Variants in LAMA2 observed in about 807,000 individuals in gnomAD.
LAMA2 encodes laminin subunit alpha 2, also known as laminin subunit alpha-2.
A neutral mutation model predicts 364.8 loss-of-function variants in LAMA2; 269 were observed. The observed-to-expected ratio is 0.74, with a 90% CI of 0.67 to 0.82. LAMA2 has a LOEUF of 0.82. Among genes scored for constraint, LAMA2 ranks in the 40% least tolerant of loss-of-function variants. The probability of loss-of-function intolerance (pLI) is 0.00; values close to 1 mark genes in which losing one functional copy is unlikely to be tolerated. For missense variants in LAMA2, 3,807 were observed against 3,873.2 expected (o/e 0.98, Z 0.45); for synonymous variants, 1,379 against 1,370.6 (o/e 1.01, Z -0.14).
intron 1 of LAMA2, among the ~76,000 whole-genome samples, chr6:129,049,282 T>C (rs187529721): frequency 6.6e-6 from 1 of 152,316 alleles, no homozygotes; most frequent in East Asian, 1.9e-4. Context: ...AAAACTTCTA[T>C]TATATCTAAG....
In LAMA2 at chr6:129,393,216, C is replaced by G. The variant is rs763182744; in HGVS notation, c.5406C>G (p.Arg1802=). ...CAGATAAAATCAGAGAAGCTAATCG[C>G]CTATTTGCAGTAAATCAGAAAAACA... ...EATDKIREAN[R]LFAVNQKNMT... Residue 1802 remains arginine, a synonymous_variant, in exon 37 of 65, where the codon CGC becomes CGG. Transcript: ENST00000421865. 3.1e-6 allele frequency: 5 copies of G among 1,613,870 alleles called. No individual in the cohort carries two copies. The African/African-American group carries it at 6.7e-5, about 22-fold the overall frequency.
At chr6:129,171,647 T>C (rs1209520370) in intron 9 of LAMA2, among the ~76,000 whole-genome samples, 4 of 147,150 alleles carry the variant, frequency 2.7e-5, no homozygotes, top group Non-Finnish European at 4.5e-5. Flanking sequence ...CTGACAATTA[T>C]GTGTCTTGGA....
At chr6:129,286,561 T>G (rs1241589064) in intron 18 of LAMA2, among the ~76,000 whole-genome samples, 2 of 604 alleles carry the variant, frequency 3.3e-3, no homozygotes, top group Admixed American at 0.083. Flanking sequence ...ATAAATAGTT[T>G]TATATTATAT....
chr6:129,221,255 A>G (rs1345341317), intron 12 of LAMA2, among the ~76,000 whole-genome samples: 7 of 151,124 alleles, frequency 4.6e-5, no homozygotes, highest in East Asian at 1.9e-4. Flanking sequence ...TTAAGCCAAG[A>G]TTTCCAAAAA....
At chr6:129,499,601 A>G (rs1785465745) in intron 58 of LAMA2, among the ~76,000 whole-genome samples, 1 of 152,220 alleles carries the variant, frequency 6.6e-6, no homozygotes, top group South Asian at 2.1e-4. Flanking sequence ...CTAGAAGGAA[A>G]AAAGAAGCTT....
At chr6:129,189,228 T>A (rs1173971655) in intron 10 of LAMA2, among the ~76,000 whole-genome samples, 1 of 150,408 alleles carries the variant, frequency 6.6e-6, no homozygotes, top group Non-Finnish European at 1.5e-5. Flanking sequence ...AAGTTAGTTG[T>A]CCAAGGGAAT....
At chr6:129,465,372 C>T (rs918738971) in intron 51 of LAMA2, 83 bp downstream of exon 51, 35 of 1,208,804 alleles carry the variant, frequency 2.9e-5, no homozygotes, top group East Asian at 2.8e-4. Flanking sequence ...AGGAAGGCTC[C>T]GTCTATAATT....
intron 1 of LAMA2, among the ~76,000 whole-genome samples, chr6:128,972,577 A>G (rs571834273): frequency 6.6e-6 from 1 of 152,298 alleles, no homozygotes; most frequent in Admixed American, 6.5e-5. Flanking sequence ...ACTATGGTTG[A>G]ATCTTTTCTG....
At position 129,411,528 on chromosome 6, in the gene LAMA2, C is replaced by A. The variant is rs140587198; in HGVS notation, c.5865+7569C>A. On this transcript the variant is annotated intron_variant, in intron 40 of 64. Transcript: ENST00000421865. ...TTAAATATGTCAACTTCTCTTATAG[C>A]AAATTTCCCAGTGTTCATTCCTAAT... 2.2e-4 allele frequency among the ~76,000 whole-genome samples: 34 copies of A among 152,252 alleles called. No homozygotes were observed. The East Asian group carries it at 4.8e-3, about 22-fold the overall frequency.
rs138435668 is a variant in LAMA2 at position 129,139,453 on chromosome 6, A to G, written c.640-4448A>G. On this transcript the variant is annotated intron_variant, in intron 4 of 64. Coordinates refer to ENST00000421865, the MANE Select transcript of LAMA2 (RefSeq NM_000426.4). ...ACTATTTACATAGCCTTTACATTGT[A>G]TTGGGTATTTAAAGTAATGTAGATG... 3.7e-3 allele frequency among the ~76,000 whole-genome samples: 564 copies of G among 152,226 alleles called. 3 individuals are homozygous for G. The highest frequency in any genetic ancestry group is 6.0e-3 in the Admixed American group (92 of 15,272).
intron 51 of LAMA2, among the ~76,000 whole-genome samples, chr6:129,469,627 G>C (rs12191417): frequency 0.61 from 92,981 of 151,590 alleles, 29,185 homozygotes; most frequent in African/African-American, 0.75. Context: ...ATTTTTTATA[G>C]AAAGACTTGT....
intron 2 of LAMA2, among the ~76,000 whole-genome samples, chr6:129,051,302 ATATAT>A (rs1787990019): frequency 6.7e-6 from 1 of 148,328 alleles, no homozygotes; most frequent in Non-Finnish European, 1.5e-5. Flanking sequence ...TAATGAACAG[ATATAT>A]TATTTTATTT....
chr6:129,395,493 T>C (rs1264587573), intron 37 of LAMA2, among the ~76,000 whole-genome samples: 1 of 152,126 alleles, frequency 6.6e-6, no homozygotes, highest in African/African-American at 2.4e-5. Flanking sequence ...ACCCCATCCC[T>C]AAATGACCAA....
At chr6:128,983,202 T>C (rs540692416) in intron 1 of LAMA2, among the ~76,000 whole-genome samples, 1 of 152,254 alleles carries the variant, frequency 6.6e-6, no homozygotes, top group East Asian at 1.9e-4. Flanking sequence ...ACTTCCACAA[T>C]GGTTGAACTA....
At chr6:129,354,829 TACTTTTTTA>T (rs1261442879) in intron 32 of LAMA2, among the ~76,000 whole-genome samples, 2 of 152,190 alleles carry the variant, frequency 1.3e-5, no homozygotes, top group African/African-American at 2.4e-5. Context: ...TGATGATCAA[TACTTTTTTA>T]ACATTTTGAA....
intron 4 of LAMA2, among the ~76,000 whole-genome samples, chr6:129,125,024 G>A (rs1025126986): frequency 4.6e-5 from 7 of 152,092 alleles, no homozygotes; most frequent in Non-Finnish European, 7.4e-5. Context: ...GAGAAGTGGC[G>A]GAATAGAAGA....
At chr6:129,416,888 G>T (rs1417418680) in intron 40 of LAMA2, among the ~76,000 whole-genome samples, 1 of 152,188 alleles carries the variant, frequency 6.6e-6, no homozygotes, top group Non-Finnish European at 1.5e-5. Context: ...GGCAGCTCCA[G>T]GTCCTGGCTC....
chr6:129,213,625 A>G (rs561846960), intron 12 of LAMA2, among the ~76,000 whole-genome samples: 1 of 152,320 alleles, frequency 6.6e-6, no homozygotes, highest in Non-Finnish European at 1.5e-5. Context: ...CTAATGATGT[A>G]AGATGATGAG....
At chr6:129,362,652 G>A (rs1777533832) in intron 32 of LAMA2, among the ~76,000 whole-genome samples, 2 of 152,124 alleles carry the variant, frequency 1.3e-5, no homozygotes, top group African/African-American at 4.8e-5. Context: ...CTTCTTTAAC[G>A]AGGAAGAAAG....
Sources: allele counts gnomAD v4.1 joint callset (sites outside exome capture counted in the v4.1 genomes callset), GRCh38; gene constraint gnomAD v4.1.1; transcripts MANE v1.5; gene names NCBI Gene and HGNC (gene_info 2026-07-23, HGNC 2026-07-21).